JMJD1C: variants seen among roughly 807,000 people sequenced by gnomAD.
The protein encoded by JMJD1C is jumonji domain containing 1C.
In JMJD1C, 31 loss-of-function variants were observed where a neutral mutation model predicts 245.3. That is an observed-to-expected ratio of 0.13 (90% CI 0.09 to 0.17). The LOEUF (loss-of-function observed/expected upper bound fraction) is 0.17, where lower values mean the gene tolerates loss of function less well. Among genes scored for constraint, JMJD1C ranks in the 10% least tolerant of loss-of-function variants. JMJD1C has a pLI of 1.00. For synonymous variants in JMJD1C, 1,057 were observed against 1,017.4 expected (o/e 1.04, Z -0.74); for missense variants, 2,691 against 3,000.2 (o/e 0.90, Z 2.41).
chr10:63,370,309 G>A (rs1438142057), intron 2 of JMJD1C, among the ~76,000 whole-genome samples: 1 of 152,204 alleles, frequency 6.6e-6, no homozygotes, highest in Non-Finnish European at 1.5e-5. Flanking sequence ...AGTGCCAGAA[G>A]TGAGGGTGTT....
At chr10:63,495,248 T>A (rs1458739259) in intron 1 of JMJD1C, among the ~76,000 whole-genome samples, 1 of 151,650 alleles carries the variant, frequency 6.6e-6, no homozygotes, top group Non-Finnish European at 1.5e-5. Flanking sequence ...TCAGGACATA[T>A]ATGAGATAAT....
chr10:63,277,238 G>A (rs1228276683), intron 2 of JMJD1C, among the ~76,000 whole-genome samples: 1 of 150,814 alleles, frequency 6.6e-6, no homozygotes, highest in Non-Finnish European at 1.5e-5. Flanking sequence ...GGTTGGCCTC[G>A]AATGTGTAGC....
chr10:63,295,483 G>A (rs1859272953), intron 2 of JMJD1C, among the ~76,000 whole-genome samples: 1 of 152,044 alleles, frequency 6.6e-6, no homozygotes, highest in Non-Finnish European at 1.5e-5. Context: ...TATGAGTTCT[G>A]TCTTCATTGG....
At chr10:63,194,513 A>C in intron 13 of JMJD1C, 138 bp from the exon 14 acceptor site, 1 of 558,118 alleles carries the variant, frequency 1.8e-6, no homozygotes. Context: ...AAAAATAAAA[A>C]TAATGAAATA....
intron 2 of JMJD1C, among the ~76,000 whole-genome samples, chr10:63,278,597 G>A (rs1000217665): frequency 4.6e-5 from 7 of 151,794 alleles, no homozygotes; most frequent in Admixed American, 2.0e-4. Context: ...GTTGCCGAGC[G>A]TGTGATCCCA....
intron 1 of JMJD1C, among the ~76,000 whole-genome samples, chr10:63,483,246 C>G (rs1395037331): frequency 6.6e-6 from 1 of 152,188 alleles, no homozygotes; most frequent in Non-Finnish European, 1.5e-5. Context: ...TTGTCAGTTA[C>G]AGATAAAGTA....
chr10:63,349,619 A>G (rs1212345527), intron 2 of JMJD1C, among the ~76,000 whole-genome samples: 1 of 152,208 alleles, frequency 6.6e-6, no homozygotes, highest in Non-Finnish European at 1.5e-5. Flanking sequence ...GGAGTCTCTG[A>G]TTGCAACCAA....
At chr10:63,197,307 T>A in intron 13 of JMJD1C, 104 bp downstream of exon 13, 1 of 964,056 alleles carries the variant, frequency 1.0e-6, no homozygotes, top group Non-Finnish European at 1.5e-6. Flanking sequence ...ACTTAATACA[T>A]TAATAAGGAA....
chr10:63,401,148 T>C (rs1948828409), intron 1 of JMJD1C, among the ~76,000 whole-genome samples: 1 of 152,328 alleles, frequency 6.6e-6, no homozygotes, highest in South Asian at 2.1e-4. Flanking sequence ...CGTGAGCCAC[T>C]GCACCCGGCC....
chr10:63,207,536 C>A lies in JMJD1C; in HGVS notation c.4133G>T (p.Gly1378Val), dbSNP rs1238948649. The A allele has an allele frequency of 2.5e-6, 4 of 1,614,138 alleles. No individual in the cohort carries two copies. Among genetic ancestry groups the A allele is most frequent in the Non-Finnish European group, 3.4e-6 (4 of 1,180,000 alleles). The change falls in exon 10 of 26, where the codon GGC becomes GTC. Residue 1378 changes from glycine to valine, a missense_variant. This residue lies in a region of JMJD1C where 1,562 missense variants were observed against 1,490.7 expected (regional missense o/e 1.05). Transcript: ENST00000399262. ...SEKNFQAVSQ[G>V]SVPSSVMSAV... The stretch of plus-strand genomic sequence containing the variant: ...AGACATGACTGAACTGGGAACACTG[C>A]CCTGTGAGACAGCCTGAAAGTTTTT...
intron 2 of JMJD1C, among the ~76,000 whole-genome samples, chr10:63,353,566 AGTGC>A (rs1944541642): frequency 6.6e-6 from 1 of 152,148 alleles, no homozygotes; most frequent in Non-Finnish European, 1.5e-5. Flanking sequence ...CCCAGGCTGG[AGTGC>A]AGTGGCGTGA....
At chr10:63,190,770 C>T (rs1178698873) in intron 17 of JMJD1C, 124 bp downstream of exon 17, 1 of 709,322 alleles carries the variant, frequency 1.4e-6, no homozygotes, top group Non-Finnish European at 2.4e-6. Flanking sequence ...CAAATAGAAA[C>T]ATGCCTAGCA....
At chr10:63,505,347 G>GT (rs1954687188) in intron 1 of JMJD1C, among the ~76,000 whole-genome samples, 1 of 150,340 alleles carries the variant, frequency 6.7e-6, no homozygotes, top group African/African-American at 2.4e-5. Context: ...TTCCTCGAGT[G>GT]ATTTTTAGCA....
chr10:63,311,371 T>A (rs1419479186), intron 2 of JMJD1C, among the ~76,000 whole-genome samples: 2 of 152,048 alleles, frequency 1.3e-5, no homozygotes, highest in Non-Finnish European at 2.9e-5. Context: ...AGAGTGAGAC[T>A]CTGTCTCAAA....
chr10:63,190,365 G>A (rs941815287), intron 17 of JMJD1C, among the ~76,000 whole-genome samples: 7 of 151,842 alleles, frequency 4.6e-5, no homozygotes, highest in Non-Finnish European at 1.0e-4. Flanking sequence ...CACCACACCT[G>A]GCTAACTTTT....
intron 2 of JMJD1C, among the ~76,000 whole-genome samples, chr10:63,348,715 T>G (rs1944066837): frequency 6.6e-6 from 1 of 151,914 alleles, no homozygotes; most frequent in South Asian, 2.1e-4. Flanking sequence ...TAATTGGAGG[T>G]GTTTGGGTCA....
At chr10:63,440,368 A>G (rs1226315871) in intron 1 of JMJD1C, among the ~76,000 whole-genome samples, 1 of 137,118 alleles carries the variant, frequency 7.3e-6, no homozygotes, top group East Asian at 2.2e-4. Context: ...ATATATATAG[A>G]GAGAGAGAGA....
chr10:63,447,250 G>A (rs1377998352), intron 1 of JMJD1C, among the ~76,000 whole-genome samples: 1 of 152,056 alleles, frequency 6.6e-6, no homozygotes, highest in Non-Finnish European at 1.5e-5. Context: ...GCACTCAAAG[G>A]TTTATAGCTT....
intron 1 of JMJD1C, among the ~76,000 whole-genome samples, chr10:63,500,192 C>T (rs905591220): frequency 2.6e-5 from 4 of 152,008 alleles, no homozygotes; most frequent in South Asian, 2.1e-4. Context: ...GAGGCCGAGG[C>T]GGGAGAACTG....
Sources: allele counts gnomAD v4.1 joint callset (sites outside exome capture counted in the v4.1 genomes callset), GRCh38; gene constraint gnomAD v4.1.1; regional missense constraint gnomAD v4.1.1; transcripts MANE v1.5; gene names NCBI Gene and HGNC (gene_info 2026-07-23, HGNC 2026-07-21).